Variants in TTC7A observed in about 807,000 individuals in gnomAD.
TTC7A encodes tetratricopeptide repeat domain 7A, also known as tetratricopeptide repeat protein 7A.
TTC7A carries 110 observed loss-of-function variants against 103.7 expected under a neutral mutation model. The observed-to-expected ratio is 1.06, with a 90% CI of 0.91 to 1.24. The LOEUF (loss-of-function observed/expected upper bound fraction) is 1.24, where lower values mean the gene tolerates loss of function less well. TTC7A is among the 50% of genes most tolerant of loss of function. The probability of loss-of-function intolerance (pLI) is 0.00; values close to 1 mark genes in which losing one functional copy is unlikely to be tolerated. For missense variants in TTC7A, 1,340 were observed against 1,116.3 expected (o/e 1.20, Z -2.86); for synonymous variants, 521 against 467.9 (o/e 1.11, Z -1.47).
chr2:46,992,594 A>T (rs769356625), intron 5 of TTC7A, among the ~76,000 whole-genome samples: 2 of 152,228 alleles, frequency 1.3e-5, no homozygotes, highest in Non-Finnish European at 2.9e-5. Flanking sequence ...CTGAGGGCTT[A>T]TTCTGTGAGC....
chr2:47,001,912 G>A (rs1317857791), intron 8 of TTC7A, among the ~76,000 whole-genome samples: 1 of 151,512 alleles, frequency 6.6e-6, no homozygotes, highest in Non-Finnish European at 1.5e-5. Flanking sequence ...AGGGCTGGCT[G>A]TTTGACCAAG....
chr2:46,994,528 G>C lies in TTC7A; in HGVS notation c.1001+14G>C, dbSNP rs762087884. 2 of 1,613,070 alleles carry C rather than the reference G, an allele frequency of 1.2e-6. No homozygotes were observed. Among genetic ancestry groups the C allele is most frequent in the Non-Finnish European group, 1.7e-6 (2 of 1,179,446 alleles). On this transcript the variant is annotated intron_variant, in intron 7 of 19. Transcript: ENST00000319190. ...TGAAGGAGACAAGTAAGTTCTGCCTGCCCTGCTGCACCTTGCCAGTCTCAC... is the reference window on the plus strand; with the variant it reads ...TGAAGGAGACAAGTAAGTTCTGCCTCCCCTGCTGCACCTTGCCAGTCTCAC...
At chr2:46,995,002 C>A in intron 7 of TTC7A, 134 bp from the exon 8 acceptor site, 2 of 772,994 alleles carry the variant, frequency 2.6e-6, no homozygotes. Context: ...GTATCCGGTG[C>A]CCATGAATTA....
chr2:46,959,459 A>G (rs1311758018), intron 3 of TTC7A, among the ~76,000 whole-genome samples: 1 of 152,058 alleles, frequency 6.6e-6, no homozygotes, highest in Non-Finnish European at 1.5e-5. Context: ...TGGCTGGAGG[A>G]GGAGGACAGG....
At chr2:47,003,128 G>A (rs77109797) in intron 8 of TTC7A, among the ~76,000 whole-genome samples, 2 of 152,230 alleles carry the variant, frequency 1.3e-5, no homozygotes, top group African/African-American at 4.8e-5. Flanking sequence ...AAGGTCTAGG[G>A]TGGACAGGGG....
chr2:46,944,133 C>G (rs994365083), intron 1 of TTC7A, among the ~76,000 whole-genome samples: 1 of 152,148 alleles, frequency 6.6e-6, no homozygotes, highest in African/African-American at 2.4e-5. Flanking sequence ...CAGAGTCCTG[C>G]TTGCTGTGCT....
At chr2:46,981,160 C>T (rs556738742) in intron 5 of TTC7A, among the ~76,000 whole-genome samples, 1 of 152,336 alleles carries the variant, frequency 6.6e-6, no homozygotes, top group African/African-American at 2.4e-5. Context: ...TCCCCCCCGC[C>T]ACTTTAAATA....
chr2:46,988,806 CAG>C (rs1675307780), intron 5 of TTC7A, among the ~76,000 whole-genome samples: 2 of 152,262 alleles, frequency 1.3e-5, no homozygotes, highest in Admixed American at 6.5e-5. Context: ...TCAGGGGTCT[CAG>C]GGTGAAAAGA....
chr2:47,055,767 T>C (rs1432680221), intron 18 of TTC7A, among the ~76,000 whole-genome samples: 1 of 152,168 alleles, frequency 6.6e-6, no homozygotes, highest in African/African-American at 2.4e-5. Context: ...GTGCCGGTGC[T>C]CTGGCCCGCA....
Position 47,021,978 on chromosome 2 carries a change from C to G in TTC7A, c.1509C>G (p.Asp503Glu), listed in dbSNP as rs753851181. Residue 503 changes from aspartate to glutamate, a missense_variant and splice_region_variant, in exon 12 of 20, where the codon GAC (aspartate) becomes GAG (glutamate). By Grantham distance (45) the Asp-to-Glu change is conservative. Coordinates refer to ENST00000319190, the MANE Select transcript of TTC7A (RefSeq NM_020458.4). ...TCACCTATAGCCTGCAGGCCACCGA[C>G]GGTGAGTGCCAGGCCCCAGGAGGCC... Reference protein sequence around the residue: ...LGLTYSLQATDATLKSKQDEL... With the variant: ...LGLTYSLQATEATLKSKQDEL... 6.2e-7 allele frequency: 1 copy of G among 1,607,380 alleles called. No individual in the cohort carries two copies. The highest frequency in any genetic ancestry group is 1.7e-5 in the Admixed American group (1 of 59,912).
intron 5 of TTC7A, 134 bp downstream of exon 5, chr2:46,979,041 C>G: frequency 1.6e-6 from 1 of 619,748 alleles, no homozygotes; most frequent in East Asian, 2.9e-5. Context: ...TGGGAACTGG[C>G]TTGTGTCACA....
intron 3 of TTC7A, chr2:46,958,497 T>A (rs1305844033): frequency 7.7e-7 from 1 of 1,304,224 alleles, no homozygotes; most frequent in Admixed American, 2.3e-5. Context: ...CTTTCCAGCA[T>A]GCCTCCGGCT....
chr2:46,942,951 G>T (rs1282787840), intron 1 of TTC7A, among the ~76,000 whole-genome samples: 1 of 152,124 alleles, frequency 6.6e-6, no homozygotes, highest in Non-Finnish European at 1.5e-5. Flanking sequence ...TGTTACCCAG[G>T]CTGGAGTGTA....
intron 1 of TTC7A, among the ~76,000 whole-genome samples, chr2:46,943,159 T>C (rs1411472979): frequency 6.6e-6 from 1 of 152,176 alleles, no homozygotes; most frequent in Non-Finnish European, 1.5e-5. Context: ...CACCTGGGCC[T>C]CCCAAAGTGC....
intron 2 of TTC7A, among the ~76,000 whole-genome samples, chr2:46,932,428 C>T (rs893584117): frequency 4.6e-5 from 7 of 152,118 alleles, no homozygotes; most frequent in African/African-American, 1.4e-4. Context: ...GGATTACAGG[C>T]GTAAGCCATT....
At chr2:46,917,867 T>C (rs749166715) in intron 2 of TTC7A, among the ~76,000 whole-genome samples, 4 of 152,254 alleles carry the variant, frequency 2.6e-5, no homozygotes, top group Non-Finnish European at 5.9e-5. Flanking sequence ...CCACACACTC[T>C]GGGTCCTTCT....
At position 46,941,635 on chromosome 2, in the gene TTC7A, C is replaced by T. The variant is rs144050892; in HGVS notation, c.94C>T (p.Leu32=). 2.8e-5 allele frequency: 43 copies of T among 1,554,222 alleles called. No individual in the cohort carries two copies. In the Admixed American group the frequency reaches 8.3e-4, roughly 30 times the overall value. The change falls in exon 1 of 20, where the codon CTG becomes TTG. Residue 32 remains leucine, a synonymous_variant. Transcript: ENST00000319190. This position sits in a 1 kb window ranked among gnomAD's most constrained non-coding sequence, Gnocchi z 4.2. ...AEGHWDRMPE[L]VRQLQTLSMP... is the part of the protein sequence containing the mutation. Reference sequence around the variant, plus strand: ...GGGCCACTGGGACCGCATGCCGGAGCTGGTCCGGCAGCTGCAGACGCTGAG... The same window carrying T: ...GGGCCACTGGGACCGCATGCCGGAGTTGGTCCGGCAGCTGCAGACGCTGAG...
chr2:47,019,114 A>G (rs1263669268), intron 11 of TTC7A, among the ~76,000 whole-genome samples: 1 of 152,234 alleles, frequency 6.6e-6, no homozygotes, highest in Non-Finnish European at 1.5e-5. Flanking sequence ...ACCCATGTAT[A>G]TTAATACTGT....
intron 15 of TTC7A, among the ~76,000 whole-genome samples, chr2:47,044,818 C>G (rs1027633253): frequency 5.9e-5 from 9 of 152,194 alleles, no homozygotes; most frequent in African/African-American, 2.2e-4. Context: ...AAGTTGCAAT[C>G]TAAGAGACAA....
Sources: allele counts gnomAD v4.1 joint callset (sites outside exome capture counted in the v4.1 genomes callset), GRCh38; gene constraint gnomAD v4.1.1; non-coding constraint Gnocchi (gnomAD v3.1); transcripts MANE v1.5; gene names NCBI Gene and HGNC (gene_info 2026-07-23, HGNC 2026-07-21).